SFMBT2: variants seen among roughly 807,000 people sequenced by gnomAD.
SFMBT2 encodes the protein Scm like with four mbt domains 2.
In SFMBT2, 38 loss-of-function variants were observed where a neutral mutation model predicts 110.1. The ratio of observed to expected loss-of-function variants is 0.35; its 90% CI spans 0.27 to 0.45. SFMBT2 has a LOEUF of 0.45. SFMBT2 is among the 20% of genes least tolerant of loss of function. The pLI is 1.00. For synonymous variants in SFMBT2, 425 were observed against 425.4 expected, an observed-to-expected ratio of 1.00 and a Z score of 0.01; for missense variants, 1,011 against 1,094.9, an observed-to-expected ratio of 0.92 and a Z score of 1.08.
At chr10:7,283,328 G>A (rs1206741317) in intron 6 of SFMBT2, among the ~76,000 whole-genome samples, 1 of 152,204 alleles carries the variant, frequency 6.6e-6, no homozygotes, top group Admixed American at 6.5e-5. Flanking sequence ...AATCTTACAT[G>A]CCAGGAGAAA....
chr10:7,241,228 AC>A (rs1840421502), intron 9 of SFMBT2: 3 of 633,020 alleles, frequency 4.7e-6, no homozygotes, highest in Non-Finnish European at 5.9e-6. Flanking sequence ...AGTCCATTAA[AC>A]CCCTTCTCCT....
rs185283859 is a variant in SFMBT2, at chr10:7,182,835, G to A, written c.1808+5789C>T. Among the ~76,000 whole-genome samples, 969 of 151,528 alleles carry A rather than the reference G, an allele frequency of 6.4e-3. 14 individuals are homozygous for A. Among genetic ancestry groups the A allele is most frequent in the African/African-American group, 0.022 (927 of 41,216 alleles). ...TACATATGTAACTAACCTGCACATT[G>A]TGCACATGTACCCTAGAACTTAAAG... On this transcript the variant is annotated intron_variant, in intron 16 of 20. Coordinates refer to ENST00000397167, the MANE Select transcript of SFMBT2 (RefSeq NM_001387889.1).
chr10:7,284,098 T>C lies in SFMBT2; in HGVS notation c.578A>G (p.Glu193Gly). ...AAAAGGGTTCTGGGAATCCTGAAGT[T>C]CTATTAAGGAACCAACTGTAATGAG... is the stretch of plus-strand genomic sequence containing the variant. ...IDLITVGSLIELQDSQNPFQY... is the reference protein window; with the variant it reads ...IDLITVGSLIGLQDSQNPFQY... The change falls in exon 6 of 21, where the codon GAA becomes GGA. Residue 193 changes from glutamate (E) to glycine (G), a missense_variant. Around this residue, in one of 2 missense-constraint regions of SFMBT2, gnomAD observed 979 missense variants for 1,016.1 expected, o/e 0.96. Transcript: ENST00000397167. 1 of 1,614,210 alleles carries C rather than the reference T, an allele frequency of 6.2e-7. No individual in the cohort carries two copies. Among genetic ancestry groups the C allele is most frequent in the Non-Finnish European group, 8.5e-7 (1 of 1,180,028 alleles).
intron 4 of SFMBT2, among the ~76,000 whole-genome samples, chr10:7,362,571 C>T (rs1397418421): frequency 1.3e-5 from 2 of 152,238 alleles, no homozygotes; most frequent in East Asian, 3.8e-4. Flanking sequence ...GCTCTGCAAC[C>T]TCCATCTGAC....
At chr10:7,199,496 GA>G (rs2131598909) in intron 14 of SFMBT2, among the ~76,000 whole-genome samples, 1 of 152,258 alleles carries the variant, frequency 6.6e-6, no homozygotes, top group South Asian at 2.1e-4. Flanking sequence ...GTAGGAAGCA[GA>G]AATGTTATTC....
intron 7 of SFMBT2, among the ~76,000 whole-genome samples, chr10:7,259,125 A>G (rs1015948187): frequency 2.6e-5 from 4 of 152,226 alleles, no homozygotes; most frequent in African/African-American, 9.6e-5. Context: ...TCATGGAAAC[A>G]TGACGCCAGC....
chr10:7,294,556 G>A (rs1178229907), intron 4 of SFMBT2, among the ~76,000 whole-genome samples: 6 of 152,186 alleles, frequency 3.9e-5, no homozygotes, highest in Admixed American at 1.3e-4. Flanking sequence ...AATCTGACAT[G>A]AGACTCCTAA....
rs1014636136 is a variant in SFMBT2, at chr10:7,367,877, T to G, written c.208A>C (p.Ile70Leu). 2.8e-5 allele frequency: 45 copies of G among 1,614,166 alleles called. No homozygotes were observed. Among genetic ancestry groups the G allele is most frequent in the Non-Finnish European group, 3.7e-5 (44 of 1,180,024 alleles). The change falls in exon 4 of 21, where the codon ATT becomes CTT. Residue 70 changes from isoleucine (I) to leucine (L), a missense_variant. This residue lies in a region of SFMBT2 where 979 missense variants were observed against 1,016.1 expected (regional missense o/e 0.96). Coordinates refer to ENST00000397167, the MANE Select transcript of SFMBT2 (RefSeq NM_001387889.1). The surrounding 1 kb of genome is among the most constrained non-coding windows in gnomAD (Gnocchi z 6.2). Reference protein sequence around the residue: ...HTSFKHVEISIQSNFQPGMKL... With the variant: ...HTSFKHVEISLQSNFQPGMKL... The stretch of plus-strand genomic sequence containing the variant: ...ATTCCTGGCTGGAAGTTGCTCTGAA[T>G]GCTGATTTCAACCTTAAGGAATCAG...
intron 6 of SFMBT2, among the ~76,000 whole-genome samples, chr10:7,283,393 G>A (rs1438352323): frequency 6.6e-6 from 1 of 152,130 alleles, no homozygotes; most frequent in Non-Finnish European, 1.5e-5. Context: ...ATTGTGGTTT[G>A]GATATTTAGA....
rs182395635 is a variant in SFMBT2 at position 7,266,476 on chromosome 10, A to G, written c.870+10416T>C. ...CTGGGGGTGACCTTCCAGGCAGACC[A>G]GGCATTATACAAAGGCCTTAGGCAG... On this transcript the variant is annotated intron_variant, in intron 7 of 20. Transcript: ENST00000397167. 2.1e-3 allele frequency among the ~76,000 whole-genome samples: 318 copies of G among 152,322 alleles called. 2 individuals are homozygous for G. The highest frequency in any genetic ancestry group is 6.9e-3 in the African/African-American group (285 of 41,582).
At chr10:7,308,028 A>C (rs751908332) in intron 4 of SFMBT2, among the ~76,000 whole-genome samples, 2 of 152,180 alleles carry the variant, frequency 1.3e-5, no homozygotes, top group Non-Finnish European at 2.9e-5. Context: ...ATAACTTACA[A>C]AAATAGTAAT....
In SFMBT2 at chr10:7,171,929, T is replaced by C; in HGVS notation, c.2381A>G (p.Glu794Gly). ...CTCGGGCTTGGTCGGCGGGCACTTCTCCCCTTCCTCTGCTGAGGAGGCAGC... is the reference window on the plus strand; with the variant it reads ...CTCGGGCTTGGTCGGCGGGCACTTCCCCCCTTCCTCTGCTGAGGAGGCAGC... ...APAASSAEEG[E>G]KCPPTKPEGT... The change falls in exon 19 of 21, where the codon GAG (glutamate) becomes GGG (glycine). Residue 794 changes from glutamate to glycine, a missense_variant. This residue lies in a region of SFMBT2 where 979 missense variants were observed against 1,016.1 expected (regional missense o/e 0.96). Transcript: ENST00000397167. The surrounding 1 kb of genome is among the most constrained non-coding windows in gnomAD (Gnocchi z 4.9). The C allele has an allele frequency of 6.9e-7, 1 of 1,447,310 alleles. No homozygotes were observed. Among genetic ancestry groups the C allele is most frequent in the Non-Finnish European group, 9.1e-7 (1 of 1,103,490 alleles). The allele number at this position is 1,447,310 out of a possible 1,614,324, so 89.7% of individuals were successfully genotyped here. A position where few individuals can be genotyped will look rare whatever the true frequency, so the allele number is the denominator to read the frequency against.
At chr10:7,330,028 T>G (rs1255348732) in intron 4 of SFMBT2, among the ~76,000 whole-genome samples, 6 of 152,156 alleles carry the variant, frequency 3.9e-5, no homozygotes, top group Non-Finnish European at 4.4e-5. Flanking sequence ...TTTGCACGAT[T>G]TCTAGGAACT....
chr10:7,239,498 A>C (rs1245875000), intron 9 of SFMBT2, among the ~76,000 whole-genome samples: 1 of 152,186 alleles, frequency 6.6e-6, no homozygotes, highest in Non-Finnish European at 1.5e-5. Context: ...CCACCTCAAA[A>C]GGAAACCGTA....
rs1203709230 is a variant in SFMBT2 at position 7,163,701 on chromosome 10, A to G, written c.*69T>C. On this transcript the variant is annotated 3_prime_UTR_variant, in exon 21 of 21. Transcript: ENST00000397167. The surrounding 1 kb of genome is among the most constrained non-coding windows in gnomAD (Gnocchi z 4.8). ...CATTTAACATATCCCGGAAAATCAA[A>G]GTTTCAGTCCTGGAAACCTTTACCA... The G allele has an allele frequency of 7.8e-6, 11 of 1,409,710 alleles. No individual in the cohort carries two copies. Among genetic ancestry groups the G allele is most frequent in the Non-Finnish European group, 9.9e-6 (10 of 1,013,618 alleles). The allele number at this position is 1,409,710 out of a possible 1,614,324, so 87.3% of individuals were successfully genotyped here.
At chr10:7,325,036 C>T (rs12260360) in intron 4 of SFMBT2, among the ~76,000 whole-genome samples, 30,814 of 143,938 alleles carry the variant, frequency 0.21, 3,532 homozygotes, top group East Asian at 0.31. Context: ...GGCACGATCT[C>T]GGCTCACTAC....
At chr10:7,286,429 G>C in intron 4 of SFMBT2, 1 of 951,586 alleles carries the variant, frequency 1.1e-6, no homozygotes, top group Non-Finnish European at 1.3e-6. Context: ...TGGACTGAAG[G>C]TGAAATGGAG....
intron 15 of SFMBT2, among the ~76,000 whole-genome samples, chr10:7,195,444 T>C (rs1724479994): frequency 6.6e-6 from 1 of 152,204 alleles, no homozygotes; most frequent in Admixed American, 6.5e-5. Context: ...GTGAGATGCG[T>C]ACTGTTCGAT....
intron 1 of SFMBT2, among the ~76,000 whole-genome samples, chr10:7,388,003 A>C (rs973467028): frequency 6.6e-6 from 1 of 151,762 alleles, no homozygotes; most frequent in African/African-American, 2.4e-5. Flanking sequence ...AGCAGCAAAC[A>C]GCATGGCAGA....
Sources: gnomAD v4.1 joint callset for allele counts (sites outside exome capture counted in the v4.1 genomes callset) on GRCh38, gnomAD v4.1.1 for gene constraint, gnomAD v4.1.1 regional missense constraint, Gnocchi (gnomAD v3.1) non-coding constraint, MANE v1.5 for transcripts, NCBI Gene and HGNC (gene_info 2026-07-23, HGNC 2026-07-21) for gene names.